The following ATP8A2 variants were observed in gnomAD, a reference collection of about 807,000 sequenced individuals.
The protein encoded by ATP8A2 is ATPase phospholipid transporting 8A2, also known as phospholipid-transporting ATPase IB.
Under a neutral mutation model 165.6 loss-of-function variants are expected in ATP8A2, and 100 were observed. The ratio of observed to expected loss-of-function variants is 0.60; its 90% CI spans 0.51 to 0.71. ATP8A2 has a LOEUF of 0.71. ATP8A2 is among the 30% of genes least tolerant of loss of function. ATP8A2 has a pLI of 0.00. For synonymous variants in ATP8A2, 543 were observed against 548.8 expected (o/e 0.99, Z 0.15); for missense variants, 1,227 against 1,479.5 (o/e 0.83, Z 2.80).
At chr13:25,954,081 G>A (rs1955455184) in intron 33 of ATP8A2, among the ~76,000 whole-genome samples, 2 of 152,180 alleles carry the variant, frequency 1.3e-5, no homozygotes, top group South Asian at 2.1e-4. Flanking sequence ...CACCCCGACG[G>A]AGCCCAACAA....
chr13:25,470,462 C>T (rs557932054), intron 2 of ATP8A2, among the ~76,000 whole-genome samples: 1 of 152,230 alleles, frequency 6.6e-6, no homozygotes, highest in Admixed American at 6.5e-5. Context: ...ACTTGGTATC[C>T]TCATGCATTA....
chr13:25,974,359 G>GGGGTGTGCCCCGGGGTGTGCCCCCT lies in ATP8A2; in HGVS notation c.3377+5680_3377+5681insGGGTGTGCCCCGGGGTGTGCCCCCT, dbSNP rs1385823211. On this transcript the variant is annotated intron_variant, in intron 35 of 36. Coordinates refer to ENST00000381655, the MANE Select transcript of ATP8A2 (RefSeq NM_016529.6). ...AAGATGTGAATGCAGCAGGCTCTCC[G>GGGGTGTGCCCCGGGGTGTGCCCCCT]AGTTGCATCGTCGGGGTGTGCCCCC... 6.7e-4 allele frequency among the ~76,000 whole-genome samples: 102 copies of GGGGTGTGCCCCGGGGTGTGCCCCCT among 152,304 alleles called. 1 individual carries two copies. The East Asian group carries it at 0.018, about 27-fold the overall frequency.
intron 1 of ATP8A2, among the ~76,000 whole-genome samples, chr13:25,378,371 A>G (rs111562558): frequency 0.011 from 1,615 of 149,170 alleles, 19 homozygotes; most frequent in African/African-American, 0.036. Context: ...TTTTGTAATC[A>G]TTAGTTTATA....
chr13:25,451,612 G>A (rs1358068819), intron 1 of ATP8A2, among the ~76,000 whole-genome samples: 1 of 152,056 alleles, frequency 6.6e-6, no homozygotes. Context: ...CTTGGTAATT[G>A]ATGTGCAATT....
rs1427763156 is a variant in ATP8A2 at position 25,894,565 on chromosome 13, T to A, written c.3183+32157T>A. ...ACTTTAAAGTAGTTTTTTCCAATTC[T>A]GTGAAGAAAGTCATTGGTAGCTTGA... On this transcript the variant is annotated intron_variant, in intron 33 of 36. Coordinates refer to ENST00000381655, the MANE Select transcript of ATP8A2 (RefSeq NM_016529.6). Among the ~76,000 whole-genome samples, 6 of 152,304 alleles carry A rather than the reference T, an allele frequency of 3.9e-5. No individual in the cohort carries two copies. In the South Asian group the frequency reaches 1.3e-3, roughly 32 times the overall value.
At chr13:25,837,949 GT>G (rs1164564571) in intron 29 of ATP8A2, among the ~76,000 whole-genome samples, 10 of 152,344 alleles carry the variant, frequency 6.6e-5, no homozygotes, top group African/African-American at 2.4e-4. Context: ...CCACACAGAT[GT>G]CATTTGCGGC....
chr13:25,741,995 C>T (rs900773852), intron 25 of ATP8A2, among the ~76,000 whole-genome samples: 4 of 152,164 alleles, frequency 2.6e-5, no homozygotes, highest in African/African-American at 7.2e-5. Context: ...TACAGTCATG[C>T]ATTACTTAAT....
intron 35 of ATP8A2, among the ~76,000 whole-genome samples, chr13:26,000,393 T>A (rs1956609651): frequency 6.6e-6 from 1 of 152,216 alleles, no homozygotes; most frequent in South Asian, 2.1e-4. Flanking sequence ...GTTATGCATG[T>A]GTGATTTTTG....
At chr13:25,963,349 G>A (rs7987417) in intron 34 of ATP8A2, among the ~76,000 whole-genome samples, 166 of 149,038 alleles carry the variant, frequency 1.1e-3, no homozygotes, top group African/African-American at 3.7e-3. Flanking sequence ...AGCTGAGATC[G>A]TGCCACTGCA....
At chr13:25,798,992 G>GA (rs890814649) in intron 27 of ATP8A2, among the ~76,000 whole-genome samples, 11 of 145,728 alleles carry the variant, frequency 7.5e-5, no homozygotes, top group South Asian at 2.2e-4. Flanking sequence ...CCATCTCTAA[G>GA]AAAAAAAAAA....
At chr13:25,837,574 C>T (rs546893702) in intron 29 of ATP8A2, among the ~76,000 whole-genome samples, 5 of 152,210 alleles carry the variant, frequency 3.3e-5, no homozygotes, top group African/African-American at 9.6e-5. Flanking sequence ...CGCTTCTCCC[C>T]GTCAGCCCCT....
At chr13:25,931,179 C>T (rs1179879110) in intron 33 of ATP8A2, among the ~76,000 whole-genome samples, 1 of 152,148 alleles carries the variant, frequency 6.6e-6, no homozygotes, top group Middle Eastern at 3.2e-3. Flanking sequence ...TGTGCTGAGT[C>T]GCAGCCAAAA....
At chr13:25,604,047 G>T (rs1044842167) in intron 24 of ATP8A2, among the ~76,000 whole-genome samples, 3 of 151,942 alleles carry the variant, frequency 2.0e-5, no homozygotes, top group Admixed American at 6.6e-5. Flanking sequence ...GTGGTGGGGT[G>T]GGGGGTACTT....
chr13:25,468,597 GCTGGCCTTGGCGCCCC>G, intron 1 of ATP8A2, among the ~76,000 whole-genome samples: 1 of 152,174 alleles, frequency 6.6e-6, no homozygotes, highest in South Asian at 2.1e-4. Flanking sequence ...TGGGGGTGCC[GCTGGCCTTGGCGCCCC>G]CGCCGTCCCC....
chr13:25,373,795 G>C (rs965736963), intron 1 of ATP8A2, among the ~76,000 whole-genome samples: 7 of 152,188 alleles, frequency 4.6e-5, no homozygotes, highest in African/African-American at 1.7e-4. Context: ...GATTAGTAGA[G>C]AGCTGGATTT....
intron 35 of ATP8A2, among the ~76,000 whole-genome samples, chr13:25,970,257 C>T (rs1375288115): frequency 6.6e-6 from 1 of 152,196 alleles, no homozygotes; most frequent in Non-Finnish European, 1.5e-5. Context: ...AAACATTTTA[C>T]AGGACGACAT....
intron 24 of ATP8A2, among the ~76,000 whole-genome samples, chr13:25,590,374 G>A (rs1202726113): frequency 2.6e-5 from 4 of 152,178 alleles, no homozygotes; most frequent in East Asian, 1.9e-4. Context: ...ACAGTGAGCC[G>A]TGATCGTGCC....
At chr13:25,605,632 C>G (rs1416275179) in intron 24 of ATP8A2, among the ~76,000 whole-genome samples, 1 of 152,002 alleles carries the variant, frequency 6.6e-6, no homozygotes, top group African/African-American at 2.4e-5. Context: ...TTAAAAAATG[C>G]AACTACTCAC....
At chr13:25,646,426 G>A (rs4595644) in intron 24 of ATP8A2, among the ~76,000 whole-genome samples, 145,300 of 152,172 alleles carry the variant, frequency 0.95, 69,477 homozygotes, top group Non-Finnish European at 0.98. Context: ...CGAGGCAGGT[G>A]GATCACGAGG....
Sources: allele counts gnomAD v4.1 joint callset (sites outside exome capture counted in the v4.1 genomes callset), GRCh38; gene constraint gnomAD v4.1.1; transcripts MANE v1.5; gene names NCBI Gene and HGNC (gene_info 2026-07-23, HGNC 2026-07-21).